The following POU6F2 variants were observed in gnomAD, a reference collection of about 807,000 sequenced individuals.
POU6F2 encodes the protein POU domain, class 6, transcription factor 2.
A neutral mutation model predicts 71.3 loss-of-function variants in POU6F2; 31 were observed. That is an observed-to-expected ratio of 0.43 (90% CI 0.33 to 0.59). The LOEUF is 0.59. POU6F2 is among the 20% of genes least tolerant of loss of function. The pLI is 0.04. For missense variants in POU6F2, 783 were observed against 856.8 expected, an observed-to-expected ratio of 0.91 and a Z score of 1.07; for synonymous variants, 347 against 355.7, an observed-to-expected ratio of 0.98 and a Z score of 0.27.
intron 7 of POU6F2, among the ~76,000 whole-genome samples, chr7:39,449,008 A>G (rs1285545008): frequency 6.6e-6 from 1 of 152,200 alleles, no homozygotes; most frequent in Admixed American, 6.5e-5. Context: ...TTGGCTAATT[A>G]CCTTTGGCAG....
chr7:39,244,932 G>A (rs1188179406), intron 4 of POU6F2, among the ~76,000 whole-genome samples: 4 of 152,066 alleles, frequency 2.6e-5, no homozygotes, highest in South Asian at 2.1e-4. Flanking sequence ...TAACAGCCAC[G>A]AATACTCCAA....
At chr7:39,423,389 C>T (rs1226832897) in intron 6 of POU6F2, among the ~76,000 whole-genome samples, 1 of 151,892 alleles carries the variant, frequency 6.6e-6, no homozygotes, top group Non-Finnish European at 1.5e-5. Context: ...GGGTAACATC[C>T]TGGTCTTCTA....
At chr7:39,043,614 G>C (rs1313456837) in intron 1 of POU6F2, among the ~76,000 whole-genome samples, 2 of 151,916 alleles carry the variant, frequency 1.3e-5, no homozygotes, top group Non-Finnish European at 2.9e-5. Context: ...TGGAGTAATT[G>C]CACACCAACT....
At chr7:39,448,554 G>A (rs1788579566) in intron 7 of POU6F2, among the ~76,000 whole-genome samples, 1 of 152,250 alleles carries the variant, frequency 6.6e-6, no homozygotes, top group African/African-American at 2.4e-5. Context: ...TATGGACATG[G>A]AACAAGTTCT....
intron 6 of POU6F2, among the ~76,000 whole-genome samples, chr7:39,423,799 A>G (rs1787908090): frequency 6.6e-6 from 1 of 152,140 alleles, no homozygotes; most frequent in Non-Finnish European, 1.5e-5. Flanking sequence ...GCCCAAACAG[A>G]ATTACATATA....
chr7:39,228,033 A>G (rs756346796), intron 4 of POU6F2, among the ~76,000 whole-genome samples: 1 of 152,178 alleles, frequency 6.6e-6, no homozygotes, highest in Non-Finnish European at 1.5e-5. Context: ...GCCTTACCAG[A>G]AGACACAACT....
intron 2 of POU6F2, among the ~76,000 whole-genome samples, chr7:39,107,366 C>T (rs1199858153): frequency 6.6e-6 from 1 of 151,958 alleles, no homozygotes; most frequent in African/African-American, 2.4e-5. Context: ...CATATGAGCT[C>T]TTCATATTAA....
chr7:39,150,215 A>T (rs1792725402), intron 2 of POU6F2, among the ~76,000 whole-genome samples: 1 of 106,578 alleles, frequency 9.4e-6, no homozygotes, highest in South Asian at 3.2e-4. Context: ...TTTAAGGCTG[A>T]GTAATATGTC....
intron 1 of POU6F2, among the ~76,000 whole-genome samples, chr7:38,980,366 T>C (rs1048387956): frequency 6.6e-6 from 1 of 152,202 alleles, no homozygotes; most frequent in African/African-American, 2.4e-5. Flanking sequence ...TATTGTCCTA[T>C]ATGTATACCA....
At position 39,288,269 on chromosome 7, in the gene POU6F2, G is replaced by C. The variant is rs78583015; in HGVS notation, c.599-51373G>C. Among the ~76,000 whole-genome samples, 364 of 152,252 alleles carry C rather than the reference G, an allele frequency of 2.4e-3. 7 individuals carry two copies. The highest frequency in any genetic ancestry group is 9.8e-3 in the South Asian group (47 of 4,818). ...GTCAAGACCACCATCTTTGCAATAA[G>C]ACAGACCTGAGTTCAAAGCCCACCT... is the stretch of plus-strand genomic sequence containing the variant. On this transcript the variant is annotated intron_variant, in intron 4 of 9. Coordinates refer to ENST00000518318, the MANE Select transcript of POU6F2 (RefSeq NM_001370959.1).
intron 4 of POU6F2, among the ~76,000 whole-genome samples, chr7:39,316,609 A>T (rs902854407): frequency 1.3e-5 from 2 of 152,192 alleles, no homozygotes; most frequent in African/African-American, 2.4e-5. Flanking sequence ...GCTATGTTCC[A>T]TATAAGACTT....
intron 9 of POU6F2, among the ~76,000 whole-genome samples, chr7:39,462,257 A>G (rs1238100795): frequency 6.6e-6 from 1 of 152,194 alleles, no homozygotes; most frequent in Non-Finnish European, 1.5e-5. Context: ...ATAATAGAAC[A>G]TGTCTGATGC....
chr7:39,294,930 C>G (rs1231105908), intron 4 of POU6F2, among the ~76,000 whole-genome samples: 1 of 152,148 alleles, frequency 6.6e-6, no homozygotes, highest in Non-Finnish European at 1.5e-5. Context: ...TGTTGAAAGA[C>G]ACTCTGCATT....
At chr7:39,135,261 A>T (rs1792367474) in intron 2 of POU6F2, among the ~76,000 whole-genome samples, 1 of 152,238 alleles carries the variant, frequency 6.6e-6, no homozygotes, top group South Asian at 2.1e-4. Flanking sequence ...TCAAATATTT[A>T]TCAAGTACTT....
rs200793063 is a variant in POU6F2, at chr7:39,185,803, ATATATGTATATGTATATGTATATG to A, written c.278-18404_278-18381del. On this transcript the variant is annotated intron_variant, in intron 2 of 9. Coordinates refer to ENST00000518318, the MANE Select transcript of POU6F2 (RefSeq NM_001370959.1). Reference sequence around the variant, plus strand: ...AAGTATGACAACTTGGTATACATATATATATGTATATGTATATGTATATGTATATGTATATGTATATGTATATGT... The same window carrying A: ...AAGTATGACAACTTGGTATACATATATATATGTATATGTATATGTATATGT... 3.6e-3 allele frequency among the ~76,000 whole-genome samples: 515 copies of A among 141,942 alleles called. 6 individuals carry two copies. The highest frequency in any genetic ancestry group is 0.014 in the Middle Eastern group (4 of 278). 93.1% of individuals were successfully genotyped at this position (141,942 alleles called of 152,430 possible). A position where few individuals can be genotyped will look rare whatever the true frequency, so the allele number is the denominator to read the frequency against.
intron 4 of POU6F2, among the ~76,000 whole-genome samples, chr7:39,256,528 A>C (rs1298807779): frequency 6.6e-6 from 1 of 152,204 alleles, no homozygotes. Flanking sequence ...TAACCTCCAG[A>C]ACCTGTGAAC....
Position 39,454,704 on chromosome 7 carries a change from AT to A in POU6F2, c.1489+3004del, listed in dbSNP as rs1788753820. Among the ~76,000 whole-genome samples, 25 of 68,522 alleles carry A rather than the reference AT, an allele frequency of 3.6e-4. 2 individuals carry two copies. Among genetic ancestry groups the A allele is most frequent in the African/African-American group, 9.7e-4 (20 of 20,662 alleles). The allele number at this position is 68,522 out of a possible 152,430, so 45.0% of individuals were successfully genotyped here. On this transcript the variant is annotated intron_variant, in intron 8 of 9. Transcript: ENST00000518318. ...TATATATATATATATATATATATAT[AT>A]ATATATATATATATATATATATAAA...
chr7:39,201,492 A>G (rs962892447), intron 2 of POU6F2, among the ~76,000 whole-genome samples: 29 of 152,232 alleles, frequency 1.9e-4, no homozygotes, highest in Non-Finnish European at 5.9e-5. Context: ...CCCTATTTCT[A>G]TTGAAAAAGA....
intron 2 of POU6F2, among the ~76,000 whole-genome samples, chr7:39,140,022 C>T (rs773628340): frequency 3.3e-5 from 5 of 152,084 alleles, no homozygotes; most frequent in Admixed American, 1.3e-4. Context: ...AACCAGCTAC[C>T]GTGAGATCCA....
Sources: allele counts gnomAD v4.1 joint callset (sites outside exome capture counted in the v4.1 genomes callset), GRCh38; gene constraint gnomAD v4.1.1; transcripts MANE v1.5; gene names NCBI Gene and HGNC (gene_info 2026-07-23, HGNC 2026-07-21).